The following ATP9A variants were observed in gnomAD, a reference collection of about 807,000 sequenced individuals.
ATP9A encodes the protein probable phospholipid-transporting ATPase IIA.
In ATP9A, 52 loss-of-function variants were observed where a neutral mutation model predicts 144.1. The observed-to-expected ratio is 0.36, with a 90% CI of 0.29 to 0.45. The LOEUF (loss-of-function observed/expected upper bound fraction) is 0.45, where lower values mean the gene tolerates loss of function less well. Among genes scored for constraint, ATP9A ranks in the 20% least tolerant of loss-of-function variants. ATP9A has a pLI of 1.00. For synonymous variants in ATP9A, 582 were observed against 557.4 expected, an observed-to-expected ratio of 1.04 and a Z score of -0.62; for missense variants, 947 against 1,392.7, an observed-to-expected ratio of 0.68 and a Z score of 5.09.
chr20:51,671,332 T>C, intron 11 of ATP9A, 75 bp from the exon 12 acceptor site: 1 of 1,531,236 alleles, frequency 6.5e-7, no homozygotes, highest in Admixed American at 1.8e-5. Context: ...AAACATGGAC[T>C]CTAAACACAT....
chr20:51,757,270 G>T (rs1228877525), intron 1 of ATP9A, among the ~76,000 whole-genome samples: 1 of 151,996 alleles, frequency 6.6e-6, no homozygotes, highest in Non-Finnish European at 1.5e-5. Context: ...CACCCACCTC[G>T]GCCTCCCAAA....
At position 51,596,656 on chromosome 20, in the gene ATP9A, G is replaced by A. The variant is rs1439992587; in HGVS notation, c.*4555C>T. On this transcript the variant is annotated 3_prime_UTR_variant, in exon 28 of 28. Transcript: ENST00000338821. The stretch of plus-strand genomic sequence containing the variant: ...TCAAAATAATTTTCTGAACTGGAAA[G>A]AGTTTTCTTTACATTTCATGTACCA... 6.6e-6 allele frequency: 1 copy of A among 152,042 alleles called. No individual in the cohort carries two copies. Among genetic ancestry groups the A allele is most frequent in the African/African-American group, 2.4e-5 (1 of 41,402 alleles). The allele number at this position is 152,042 out of a possible 1,614,324, so 9.4% of individuals were successfully genotyped here. A position where few individuals can be genotyped will look rare whatever the true frequency, so the allele number is the denominator to read the frequency against.
rs1231878983 is a variant in ATP9A, at chr20:51,625,345, G to A, written c.1863C>T (p.Ala621=). The change falls in exon 18 of 28, where the codon GCC becomes GCT. Residue 621 remains alanine (A), a synonymous_variant. Coordinates refer to ENST00000338821, the MANE Select transcript of ATP9A (RefSeq NM_006045.3). The stretch of plus-strand genomic sequence containing the variant: ...GGGAGCGGTCGTGCACACTCAGCTT[G>A]GCCTGGACGTAGCGGGCCTGGGACA... ...YQDFEARYVQ[A]KLSVHDRSLK... The A allele has an allele frequency of 1.9e-6, 3 of 1,613,922 alleles. No individual in the cohort carries two copies. The highest frequency in any genetic ancestry group is 2.2e-5 in the South Asian group (2 of 91,074).
chr20:51,729,714 C>T, intron 2 of ATP9A, 120 bp downstream of exon 2: 2 of 1,215,928 alleles, frequency 1.6e-6, no homozygotes, highest in Non-Finnish European at 2.2e-6. Flanking sequence ...CACTGCACTC[C>T]AGCCTGGGCG....
At chr20:51,689,425 C>A (rs1246272522) in intron 8 of ATP9A, among the ~76,000 whole-genome samples, 2 of 152,094 alleles carry the variant, frequency 1.3e-5, no homozygotes, top group African/African-American at 4.8e-5. Flanking sequence ...AGAATCAAAA[C>A]GTAAAAGCAA....
At chr20:51,630,210 A>T (rs2077264789) in intron 15 of ATP9A, among the ~76,000 whole-genome samples, 1 of 152,246 alleles carries the variant, frequency 6.6e-6, no homozygotes, top group Non-Finnish European at 1.5e-5. Context: ...CCTAGCTCTG[A>T]GGAATGACGG....
intron 14 of ATP9A, among the ~76,000 whole-genome samples, chr20:51,648,407 G>T (rs6063688): frequency 2.0e-5 from 3 of 152,212 alleles, no homozygotes; most frequent in South Asian, 2.1e-4. Context: ...GCAGAGAGAA[G>T]GTGGAAGGCA....
chr20:51,631,331 C>G (rs1417394006), intron 15 of ATP9A, among the ~76,000 whole-genome samples: 1 of 152,194 alleles, frequency 6.6e-6, no homozygotes, highest in African/African-American at 2.4e-5. Context: ...TAGACTGTGG[C>G]TATGCCTGCT....
intron 1 of ATP9A, among the ~76,000 whole-genome samples, chr20:51,738,052 A>C (rs1206296104): frequency 6.7e-6 from 1 of 149,026 alleles, no homozygotes; most frequent in Non-Finnish European, 1.5e-5. Context: ...TTTTTGAGAC[A>C]GAGTCTCTCT....
At position 51,693,998 on chromosome 20, in the gene ATP9A, A is replaced by C. The variant is rs1023482053; in HGVS notation, c.642+10T>G. Reference sequence around the variant, plus strand: ...TGCCCGCATGGGCTTCTGCAGGGAAAGCTACTCACGGCGGCCGTGGGGAGC... The same window carrying C: ...TGCCCGCATGGGCTTCTGCAGGGAACGCTACTCACGGCGGCCGTGGGGAGC... On this transcript the variant is annotated intron_variant, in intron 7 of 27. Coordinates refer to ENST00000338821, the MANE Select transcript of ATP9A (RefSeq NM_006045.3). The C allele has an allele frequency of 1.2e-6, 2 of 1,611,194 alleles. No individual in the cohort carries two copies. Among genetic ancestry groups the C allele is most frequent in the Non-Finnish European group, 8.5e-7 (1 of 1,178,316 alleles).
chr20:51,653,017 G>A (rs2077373239), intron 14 of ATP9A, among the ~76,000 whole-genome samples: 1 of 150,810 alleles, frequency 6.6e-6, no homozygotes, highest in Admixed American at 6.6e-5. Context: ...GACTGAGGCA[G>A]AAGAATGTTG....
chr20:51,627,590 A>G lies in ATP9A; in HGVS notation c.1845+10T>C. On this transcript the variant is annotated intron_variant, in intron 17 of 27. Transcript: ENST00000338821. ...TGCAAAGGCAATGGAAAGGTCCCAG[A>G]ACAACTTACTTCAAAGTCCTGATAC... is the stretch of plus-strand genomic sequence containing the variant. 6.2e-7 allele frequency: 1 copy of G among 1,613,660 alleles called. No homozygotes were observed. Among genetic ancestry groups the G allele is most frequent in the Non-Finnish European group, 8.5e-7 (1 of 1,179,528 alleles).
At chr20:51,672,342 T>C (rs1283584236) in intron 11 of ATP9A, among the ~76,000 whole-genome samples, 2 of 152,178 alleles carry the variant, frequency 1.3e-5, no homozygotes, top group Non-Finnish European at 2.9e-5. Context: ...CATTAATTCA[T>C]CATCCTATAA....
chr20:51,753,577 T>C (rs1255553474), intron 1 of ATP9A, among the ~76,000 whole-genome samples: 1 of 152,164 alleles, frequency 6.6e-6, no homozygotes, highest in African/African-American at 2.4e-5. Context: ...AAGGTTTGTG[T>C]TCATTGTGAT....
chr20:51,716,748 A>G (rs937133930), intron 3 of ATP9A, among the ~76,000 whole-genome samples: 2 of 152,258 alleles, frequency 1.3e-5, no homozygotes, highest in East Asian at 1.9e-4. Context: ...AGAATTCTAT[A>G]CAGCCACATG....
chr20:51,632,058 T>A (rs958203923), intron 15 of ATP9A, among the ~76,000 whole-genome samples: 2 of 152,220 alleles, frequency 1.3e-5, no homozygotes, highest in African/African-American at 4.8e-5. Flanking sequence ...CTTTTTTTTC[T>A]TATTCTTTTT....
intron 10 of ATP9A, among the ~76,000 whole-genome samples, chr20:51,674,812 T>G (rs6021369): frequency 0.25 from 38,691 of 152,018 alleles, 5,355 homozygotes; most frequent in Non-Finnish European, 0.3. Context: ...GGTGCATTAA[T>G]GGACATTATT....
intron 13 of ATP9A, among the ~76,000 whole-genome samples, chr20:51,666,019 G>A (rs1224398365): frequency 2.6e-5 from 4 of 152,118 alleles, no homozygotes; most frequent in Admixed American, 2.0e-4. Context: ...AGCCCCTTCC[G>A]CAGGACACCT....
At chr20:51,658,517 T>TC (rs1356928602) in intron 13 of ATP9A, among the ~76,000 whole-genome samples, 3 of 17,494 alleles carry the variant, frequency 1.7e-4, no homozygotes, top group African/African-American at 3.8e-4. Context: ...CTATGCTTCC[T>TC]TTTTTTTTTT....
Sources: gnomAD v4.1 joint callset for allele counts (sites outside exome capture counted in the v4.1 genomes callset) on GRCh38, gnomAD v4.1.1 for gene constraint, MANE v1.5 for transcripts, NCBI Gene and HGNC (gene_info 2026-07-23, HGNC 2026-07-21) for gene names.